Variants in GLT1D1 observed in about 807,000 individuals in gnomAD.
GLT1D1 encodes the protein glycosyltransferase 1 domain containing 1, also known as glycosyltransferase 1 domain-containing protein 1.
Under a neutral mutation model 28.7 loss-of-function variants are expected in GLT1D1, and 21 were observed. That is an observed-to-expected ratio of 0.73 (90% CI 0.52 to 1.05). The LOEUF (loss-of-function observed/expected upper bound fraction) is 1.05. Among genes scored for constraint, GLT1D1 ranks in the 50% least tolerant of loss-of-function variants. The probability of loss-of-function intolerance (pLI) is 0.00; values close to 1 mark genes in which losing one functional copy is unlikely to be tolerated. For missense variants in GLT1D1, 343 were observed against 330.6 expected, an observed-to-expected ratio of 1.04 and a Z score of -0.29; for synonymous variants, 147 against 124.8, an observed-to-expected ratio of 1.18 and a Z score of -1.19.
At chr12:128,952,773 CTTTT>C (rs71072430) in intron 6 of GLT1D1, among the ~76,000 whole-genome samples, 2 of 58,936 alleles carry the variant, frequency 3.4e-5, no homozygotes, top group Non-Finnish European at 5.4e-5. Context: ...CCGTGACTGG[CTTTT>C]TTTTTTTTTT....
At chr12:128,908,927 C>T (rs750969516) in intron 4 of GLT1D1, among the ~76,000 whole-genome samples, 18 of 151,726 alleles carry the variant, frequency 1.2e-4, no homozygotes, top group Non-Finnish European at 2.1e-4. Flanking sequence ...CCAGCCTGGG[C>T]GACAGAGCGA....
At chr12:128,872,097 A>G (rs2135786017) in intron 1 of GLT1D1, among the ~76,000 whole-genome samples, 1 of 152,214 alleles carries the variant, frequency 6.6e-6, no homozygotes, top group African/African-American at 2.4e-5. Context: ...GATTACAGGC[A>G]TATGCCACCA....
intron 2 of GLT1D1, 58 bp downstream of exon 2, chr12:128,876,120 T>A: frequency 6.8e-7 from 1 of 1,472,156 alleles, no homozygotes; most frequent in Non-Finnish European, 9.3e-7. Context: ...CGGAAGTGCC[T>A]GTAATGTCCA....
At chr12:128,856,699 A>G (rs1490610302) in intron 1 of GLT1D1, among the ~76,000 whole-genome samples, 17 of 152,196 alleles carry the variant, frequency 1.1e-4, no homozygotes, top group Admixed American at 1.1e-3. Flanking sequence ...GAGAGAGGCC[A>G]AATCTGGCTT....
intron 7 of GLT1D1, among the ~76,000 whole-genome samples, chr12:128,980,898 C>T (rs764987601): frequency 3.9e-5 from 6 of 152,200 alleles, no homozygotes; most frequent in Admixed American, 1.3e-4. Flanking sequence ...GATGTGCATA[C>T]AGGGATAGAG....
intron 7 of GLT1D1, among the ~76,000 whole-genome samples, chr12:128,973,346 C>CTTT (rs1352874492): frequency 5.2e-4 from 48 of 92,002 alleles, no homozygotes; most frequent in South Asian, 4.9e-3. Context: ...CCACACCTGG[C>CTTT]TATTTTTTTT....
At chr12:128,867,427 A>C (rs1956569169) in intron 1 of GLT1D1, among the ~76,000 whole-genome samples, 1 of 150,440 alleles carries the variant, frequency 6.6e-6, no homozygotes, top group Non-Finnish European at 1.5e-5. Context: ...CAGAAAAAAA[A>C]AAAAGGAAAA....
In GLT1D1 at chr12:128,973,547, C is replaced by T. The variant is rs535192912; in HGVS notation, c.640-9382C>T. Among the ~76,000 whole-genome samples the T allele has an allele frequency of 7.9e-5, 12 of 151,706 alleles. No individual in the cohort carries two copies. The South Asian group carries it at 8.4e-4, about 11-fold the overall frequency. Reference sequence around the variant, plus strand: ...TAACCAGAACGAATGGCAGATTTACCGCCGCACTTTAATGGGCTGCTCTTT... The same window carrying T: ...TAACCAGAACGAATGGCAGATTTACTGCCGCACTTTAATGGGCTGCTCTTT... On this transcript the variant is annotated intron_variant, in intron 7 of 7. Coordinates refer to ENST00000281703, the MANE Select transcript of GLT1D1 (RefSeq NM_144669.3).
chr12:128,887,136 G>A (rs967731686), intron 2 of GLT1D1, among the ~76,000 whole-genome samples: 7 of 151,448 alleles, frequency 4.6e-5, no homozygotes, highest in African/African-American at 1.2e-4. Context: ...CTCAGCCTTC[G>A]GAGTAGGTCG....
At chr12:128,858,092 G>A (rs1437001980) in intron 1 of GLT1D1, among the ~76,000 whole-genome samples, 3 of 152,132 alleles carry the variant, frequency 2.0e-5, no homozygotes, top group East Asian at 1.9e-4. Context: ...CACTTTCAGC[G>A]TTTTTAAAGC....
intron 2 of GLT1D1, among the ~76,000 whole-genome samples, chr12:128,881,561 A>AAAATAT (rs1555262848): frequency 4.2e-4 from 14 of 33,716 alleles, no homozygotes; most frequent in East Asian, 1.2e-3. Context: ...AAAAAAAAAA[A>AAAATAT]ATATATATAT....
chr12:128,861,956 G>A (rs888123177), intron 1 of GLT1D1, among the ~76,000 whole-genome samples: 1 of 152,174 alleles, frequency 6.6e-6, no homozygotes, highest in African/African-American at 2.4e-5. Context: ...TTCAGACAAG[G>A]AGGCTATTTT....
intron 7 of GLT1D1, among the ~76,000 whole-genome samples, chr12:128,964,978 G>A (rs1209590299): frequency 1.3e-5 from 2 of 152,196 alleles, no homozygotes; most frequent in Non-Finnish European, 2.9e-5. Context: ...TGGCCTAAAT[G>A]AAAGGGAACT....
chr12:128,957,910 T>C (rs1877461943), intron 7 of GLT1D1, among the ~76,000 whole-genome samples: 1 of 152,234 alleles, frequency 6.6e-6, no homozygotes, highest in Non-Finnish European at 1.5e-5. Context: ...TCTGAGATAT[T>C]CGGATTTCTG....
chr12:128,913,841 G>A (rs757046279), intron 4 of GLT1D1, among the ~76,000 whole-genome samples: 3 of 152,216 alleles, frequency 2.0e-5, no homozygotes, highest in African/African-American at 7.2e-5. Flanking sequence ...TTTGAAGTGC[G>A]TTTAACCTCT....
At chr12:128,952,585 G>C (rs1876821506) in intron 6 of GLT1D1, among the ~76,000 whole-genome samples, 1 of 150,666 alleles carries the variant, frequency 6.6e-6, no homozygotes, top group Admixed American at 6.6e-5. Context: ...TCCTGCCTCA[G>C]TCTCCCAGGT....
At chr12:128,874,175 T>C (rs541846621) in intron 1 of GLT1D1, among the ~76,000 whole-genome samples, 8 of 140,188 alleles carry the variant, frequency 5.7e-5, no homozygotes, top group African/African-American at 2.2e-4. Context: ...TCTTTCTTTC[T>C]TTTTTTCTCT....
chr12:128,978,208 T>C (rs1345112324), intron 7 of GLT1D1, among the ~76,000 whole-genome samples: 1 of 152,020 alleles, frequency 6.6e-6, no homozygotes, highest in Admixed American at 6.6e-5. Flanking sequence ...CCAATCGGCT[T>C]TTCCGCAGCT....
chr12:128,903,707 A>G (rs554743120), intron 4 of GLT1D1, among the ~76,000 whole-genome samples: 2 of 151,644 alleles, frequency 1.3e-5, no homozygotes, highest in Non-Finnish European at 2.9e-5. Flanking sequence ...CTCCTCCTTT[A>G]GAACCTTTTG....
Sources: gnomAD v4.1 joint callset for allele counts (sites outside exome capture counted in the v4.1 genomes callset) on GRCh38, gnomAD v4.1.1 for gene constraint, MANE v1.5 for transcripts, NCBI Gene and HGNC (gene_info 2026-07-23, HGNC 2026-07-21) for gene names.